Variants in KMT2B observed in about 807,000 individuals in gnomAD.
The protein encoded by KMT2B is histone-lysine N-methyltransferase 2B.
KMT2B carries 22 observed loss-of-function variants against 255.3 expected under a neutral mutation model. That is an observed-to-expected ratio of 0.09 (90% confidence interval 0.06 to 0.12). The LOEUF is 0.12. Among genes scored for constraint, KMT2B ranks in the 10% least tolerant of loss-of-function variants. The pLI is 1.00. For synonymous variants in KMT2B, 1,730 were observed against 1,498.1 expected, an observed-to-expected ratio of 1.15 and a Z score of -3.57; for missense variants, 3,149 against 3,737.0, an observed-to-expected ratio of 0.84 and a Z score of 4.10.
chr19:35,738,768 G>A lies in KMT2B; in HGVS notation c.*211G>A. 1.7e-6 allele frequency: 1 copy of A among 602,250 alleles called. No homozygotes were observed. The highest frequency in any genetic ancestry group is 2.9e-6 in the Non-Finnish European group (1 of 342,576). 37.3% of individuals were successfully genotyped at this position (602,250 alleles called of 1,614,324 possible). ...CCTTTCTGCCCTGGGGGCCCAGGAT[G>A]TAGATATTGTACAAAGGTTTCTAAA... On this transcript the variant is annotated 3_prime_UTR_variant, in exon 37 of 37. Transcript: ENST00000420124. This position sits in a 1 kb window ranked among gnomAD's most constrained non-coding sequence, Gnocchi z 8.7.
chr19:35,736,379 G>C (rs1168525091), intron 30 of KMT2B: 3 of 308,580 alleles, frequency 9.7e-6, no homozygotes, highest in Admixed American at 4.5e-5. Context: ...CAGGTAGATG[G>C]GATGTATGGT....
Position 35,733,738 on chromosome 19 carries a change from C to T in KMT2B, c.7050-25C>T. On this transcript the variant is annotated intron_variant, in intron 29 of 36. Coordinates refer to ENST00000420124, the MANE Select transcript of KMT2B (RefSeq NM_014727.3). This position sits in a 1 kb window ranked among gnomAD's most constrained non-coding sequence, Gnocchi z 4.3. ...AGGGTCTGGGACCTCTGTCCTTCCC[C>T]TTCCTGACAGGTCTCTTCTCGCAGG... 6.2e-7 allele frequency: 1 copy of T among 1,610,978 alleles called. No homozygotes were observed. Among genetic ancestry groups the T allele is most frequent in the Non-Finnish European group, 8.5e-7 (1 of 1,178,100 alleles).
Position 35,732,883 on chromosome 19 carries a change from G to C in KMT2B, c.6334G>C (p.Glu2112Gln). 6.2e-7 allele frequency: 1 copy of C among 1,610,272 alleles called. No homozygotes were observed. The highest frequency in any genetic ancestry group is 8.5e-7 in the Non-Finnish European group (1 of 1,178,812). Residue 2112 changes from glutamate to glutamine, a missense_variant, in exon 28 of 37, where the codon GAA becomes CAA. Around this residue, in one of 18 missense-constraint regions of KMT2B, gnomAD observed 897 missense variants for 825.3 expected, o/e 1.09. Transcript: ENST00000420124. ...RARPPEDLPS[E>Q]IVDFVLKNLG... ...CCGGCCTCCTGAGGACCTGCCATCG[G>C]AAATTGTGGATTTTGTGTTGAAGAA...
rs1172835308 is a variant in KMT2B, at chr19:35,721,440, G to A, written c.2093G>A (p.Arg698His). Residue 698 changes from arginine to histidine, a missense_variant, in exon 3 of 37, where the codon CGC becomes CAC. Physicochemically the swap from Arg to His is conservative, Grantham distance 29 (BLOSUM62 0). Coordinates refer to ENST00000420124, the MANE Select transcript of KMT2B (RefSeq NM_014727.3). ...GAGCCTGAGCCTCGGGCAGTGGGCC[G>A]CACCAACCACCTCAGCCTGCCTCGA... ...PAEPEPRAVG[R>H]TNHLSLPRFA... The A allele has an allele frequency of 2.5e-6, 4 of 1,612,032 alleles. No individual in the cohort carries two copies. The highest frequency in any genetic ancestry group is 2.5e-6 in the Non-Finnish European group (3 of 1,179,706).
rs1969803310 is a variant in KMT2B at position 35,733,475 on chromosome 19, A to T, written c.6926A>T (p.Asp2309Val). Residue 2309 changes from aspartate to valine, a missense_variant, in exon 28 of 37, where the codon GAT (aspartate) becomes GTT (valine). Asp to Val is a radical substitution (Grantham distance 152). Coordinates refer to ENST00000420124, the MANE Select transcript of KMT2B (RefSeq NM_014727.3). This position sits in a 1 kb window ranked among gnomAD's most constrained non-coding sequence, Gnocchi z 4.3. The part of the protein sequence containing the change: ...RLDEDGEASE[D>V]TPQVPGLGSG... ...GATGAAGATGGAGAGGCCTCAGAGGATACCCCTCAGGTTCCAGGGCTTGGC... is the reference window on the plus strand; with the variant it reads ...GATGAAGATGGAGAGGCCTCAGAGGTTACCCCTCAGGTTCCAGGGCTTGGC... The T allele has an allele frequency of 1.3e-6, 2 of 1,564,660 alleles. No individual in the cohort carries two copies. The highest frequency in any genetic ancestry group is 1.7e-6 in the Non-Finnish European group (2 of 1,154,842).
In KMT2B at chr19:35,725,143, CTG is replaced by C; in HGVS notation, c.3528+60_3528+61del. On this transcript the variant is annotated intron_variant, in intron 10 of 36. Coordinates refer to ENST00000420124, the MANE Select transcript of KMT2B (RefSeq NM_014727.3). The surrounding 1 kb of genome is among the most constrained non-coding windows in gnomAD (Gnocchi z 4.1). ...CCTCTGGTTGGAAGAACCTCGATGA[CTG>C]TGTCATCGAGAAGCCAGGTGGGTCT... is the stretch of plus-strand genomic sequence containing the variant. 6.4e-7 allele frequency: 1 copy of C among 1,573,992 alleles called. No individual in the cohort carries two copies. Among genetic ancestry groups the C allele is most frequent in the Admixed American group, 1.7e-5 (1 of 59,818 alleles).
rs1242926165 is a variant in KMT2B at position 35,738,219 on chromosome 19, A to G, written c.7872+28A>G. Reference sequence around the variant, plus strand: ...GGGCTCCCAGTGGCTGTGGGAAGACAGTGGGTGAAGCGAGCCTGTCCGCGG... The same window carrying G: ...GGGCTCCCAGTGGCTGTGGGAAGACGGTGGGTGAAGCGAGCCTGTCCGCGG... On this transcript the variant is annotated intron_variant, in intron 36 of 36. Coordinates refer to ENST00000420124, the MANE Select transcript of KMT2B (RefSeq NM_014727.3). This position sits in a 1 kb window ranked among gnomAD's most constrained non-coding sequence, Gnocchi z 8.7. 6.2e-7 allele frequency: 1 copy of G among 1,601,942 alleles called. No homozygotes were observed. Among genetic ancestry groups the G allele is most frequent in the Non-Finnish European group, 8.5e-7 (1 of 1,170,278 alleles).
At chr19:35,724,578 T>C in intron 8 of KMT2B, 59 bp from the exon 9 acceptor site, 1 of 1,366,250 alleles carries the variant, frequency 7.3e-7, no homozygotes, top group East Asian at 2.5e-5. Flanking sequence ...CATTTGGGGT[T>C]GTAGAAGAAG....
At chr19:35,729,123 G>A in intron 21 of KMT2B, 36 bp from the exon 22 acceptor site, 1 of 1,613,948 alleles carries the variant, frequency 6.2e-7, no homozygotes, top group South Asian at 1.1e-5. Flanking sequence ...CTGTTCCCTG[G>A]CCTCCCCACA....
In KMT2B at chr19:35,726,281, G is replaced by A. The variant is rs1179834999; in HGVS notation, c.3931G>A (p.Gly1311Ser). ...CTGTAAGAGCTGTGGGGCAACTCCA[G>A]GCAAGAACTGGGACGTCGAGTGGTC... ...VRCKSCGATP[G>S]KNWDVEWSGD... Residue 1311 changes from glycine (G) to serine (S), a missense_variant, in exon 14 of 37, where the codon GGC (glycine) becomes AGC (serine). Coordinates refer to ENST00000420124, the MANE Select transcript of KMT2B (RefSeq NM_014727.3). 3.1e-6 allele frequency: 5 copies of A among 1,613,902 alleles called. No homozygotes were observed. Among genetic ancestry groups the A allele is most frequent in the Non-Finnish European group, 4.2e-6 (5 of 1,179,884 alleles).
At chr19:35,731,179 T>C (rs561115481) in intron 26 of KMT2B, among the ~76,000 whole-genome samples, 2 of 152,334 alleles carry the variant, frequency 1.3e-5, no homozygotes, top group East Asian at 3.9e-4. Flanking sequence ...CTCTCCAGTG[T>C]CGCCATACTA....
chr19:35,730,903 C>T, intron 26 of KMT2B, 36 bp downstream of exon 26: 3 of 1,548,802 alleles, frequency 1.9e-6, no homozygotes, highest in Non-Finnish European at 1.7e-6. Context: ...CTGAATACCG[C>T]TCTCCCTAAA....
rs367620821 is a variant in KMT2B at position 35,730,385 on chromosome 19, A to G, written c.5120A>G (p.Tyr1707Cys). The change falls in exon 24 of 37, where the codon TAT becomes TGT. Residue 1707 changes from tyrosine (Y) to cysteine (C), a missense_variant. Physicochemically the swap from Tyr to Cys is radical, Grantham distance 194. Coordinates refer to ENST00000420124, the MANE Select transcript of KMT2B (RefSeq NM_014727.3). Reference protein sequence around the residue: ...PDGFDVLRRVYVDFEGINFKR... With the variant: ...PDGFDVLRRVCVDFEGINFKR... ...GGTTTTGATGTTCTCCGCCGAGTCT[A>G]TGTGGACTTCGAGGGCATCAACTTC... 1.5e-5 allele frequency: 25 copies of G among 1,613,536 alleles called. No homozygotes were observed. Among genetic ancestry groups the G allele is most frequent in the African/African-American group, 8.0e-5 (6 of 74,894 alleles).
Position 35,723,309 on chromosome 19 carries a change from T to G in KMT2B, c.3002+35T>G, listed in dbSNP as rs569858776. 6.3e-6 allele frequency: 10 copies of G among 1,598,284 alleles called. No individual in the cohort carries two copies. Among genetic ancestry groups the G allele is most frequent in the Middle Eastern group, 1.7e-4 (1 of 6,032 alleles). On this transcript the variant is annotated intron_variant, in intron 6 of 36. Transcript: ENST00000420124. The surrounding 1 kb of genome is among the most constrained non-coding windows in gnomAD (Gnocchi z 7.5). Reference sequence around the variant, plus strand: ...TGGGGCGTGACCTCATTCCCGTGGTTGTTGGTCCCCTAGGCTTCCTACCTC... The same window carrying G: ...TGGGGCGTGACCTCATTCCCGTGGTGGTTGGTCCCCTAGGCTTCCTACCTC...
chr19:35,720,476 G>C lies in KMT2B; in HGVS notation c.1129G>C (p.Glu377Gln). The change falls in exon 3 of 37, where the codon GAG becomes CAG. Residue 377 changes from glutamate to glutamine, a missense_variant. Physicochemically the swap from Glu to Gln is conservative, Grantham distance 29. Coordinates refer to ENST00000420124, the MANE Select transcript of KMT2B (RefSeq NM_014727.3). ...EKKEEEEKDK[E>Q]GEEKEERAVA... ...GAAAGAAGAAGAAGAAAAAGACAAGGAGGGAGAAGAGAAGGAAGAAAGAGC... is the reference window on the plus strand; with the variant it reads ...GAAAGAAGAAGAAGAAAAAGACAAGCAGGGAGAAGAGAAGGAAGAAAGAGC... 6.5e-7 allele frequency: 1 copy of C among 1,543,930 alleles called. No homozygotes were observed. Among genetic ancestry groups the C allele is most frequent in the Admixed American group, 2.0e-5 (1 of 50,346 alleles).
At chr19:35,728,029 T>G in intron 18 of KMT2B, 44 bp downstream of exon 18, 1 of 1,549,584 alleles carries the variant, frequency 6.5e-7, no homozygotes, top group Non-Finnish European at 8.7e-7. Context: ...GAGTGGGACC[T>G]TCAGACCCTG....
chr19:35,728,748 C>T (rs1969567648), intron 19 of KMT2B, 26 bp from the exon 20 acceptor site: 1 of 1,593,740 alleles, frequency 6.3e-7, no homozygotes, highest in African/African-American at 1.3e-5. Flanking sequence ...TTGGGCACAT[C>T]AGCTGCTAAC....
In KMT2B at chr19:35,732,209, C is replaced by T. The variant is rs1432966481; in HGVS notation, c.5666-6C>T. 1 of 1,585,100 alleles carries T rather than the reference C, an allele frequency of 6.3e-7. No individual in the cohort carries two copies. Among genetic ancestry groups the T allele is most frequent in the East Asian group, 2.3e-5 (1 of 43,282 alleles). ...GCTGCTGGTAACACCAACCCTCCCC[C>T]CACAGGAAGTCCATCTTCACTGACC... is the stretch of plus-strand genomic sequence containing the variant. On this transcript the variant is annotated splice_region_variant and splice_polypyrimidine_tract_variant and intron_variant, in intron 27 of 36. Transcript: ENST00000420124.
At chr19:35,719,735 G>T in intron 2 of KMT2B, 49 bp from the exon 3 acceptor site, 1 of 1,538,698 alleles carries the variant, frequency 6.5e-7, no homozygotes, top group Non-Finnish European at 8.7e-7. Context: ...GCCTTCCTCT[G>T]TGTGTAGGGC....
Sources: allele counts gnomAD v4.1 joint callset (sites outside exome capture counted in the v4.1 genomes callset), GRCh38; gene constraint gnomAD v4.1.1; regional missense constraint gnomAD v4.1.1; non-coding constraint Gnocchi (gnomAD v3.1); transcripts MANE v1.5; gene names NCBI Gene and HGNC (gene_info 2026-07-23, HGNC 2026-07-21).